SCAPER: variants seen among roughly 807,000 people sequenced by gnomAD.
SCAPER encodes S-phase cyclin A associated protein in the ER, also known as S phase cyclin A-associated protein in the endoplasmic reticulum.
SCAPER carries 98 observed loss-of-function variants against 182.2 expected under a neutral mutation model. The observed-to-expected ratio is 0.54, with a 90% CI of 0.46 to 0.64. SCAPER has a LOEUF of 0.64. SCAPER is among the 30% of genes least tolerant of loss of function. SCAPER has a pLI of 0.00. For missense variants in SCAPER, 1,432 were observed against 1,690.0 expected, an observed-to-expected ratio of 0.85 and a Z score of 2.68; for synonymous variants, 605 against 564.6, an observed-to-expected ratio of 1.07 and a Z score of -1.01.
chr15:76,686,728 A>C (rs1257144942), intron 20 of SCAPER, among the ~76,000 whole-genome samples: 1 of 152,130 alleles, frequency 6.6e-6, no homozygotes, highest in Non-Finnish European at 1.5e-5. Flanking sequence ...AACAAACTAA[A>C]GCTCTTCATA....
intron 20 of SCAPER, among the ~76,000 whole-genome samples, chr15:76,676,305 AT>A (rs2146933662): frequency 6.6e-6 from 1 of 152,214 alleles, no homozygotes; most frequent in East Asian, 1.9e-4. Context: ...AAACACAGAA[AT>A]TTTACCTCCT....
chr15:76,545,844 C>T (rs1295297934), intron 23 of SCAPER, among the ~76,000 whole-genome samples: 1 of 151,998 alleles, frequency 6.6e-6, no homozygotes, highest in East Asian at 1.9e-4. Context: ...TAGAAATTTG[C>T]CTGGAATTCT....
At chr15:76,755,151 A>C (rs1310634118) in intron 14 of SCAPER, among the ~76,000 whole-genome samples, 1 of 152,208 alleles carries the variant, frequency 6.6e-6, no homozygotes, top group Non-Finnish European at 1.5e-5. Flanking sequence ...GCTGGCATTA[A>C]AAAACACAGT....
At chr15:76,395,712 T>C (rs1029488500) in intron 27 of SCAPER, among the ~76,000 whole-genome samples, 11 of 152,164 alleles carry the variant, frequency 7.2e-5, no homozygotes, top group African/African-American at 2.7e-4. Context: ...GTTTTTCCTA[T>C]AGAGTTGTTT....
intron 4 of SCAPER, among the ~76,000 whole-genome samples, chr15:76,847,377 C>CAA (rs35155484): frequency 0.013 from 2,014 of 149,816 alleles, 25 homozygotes; most frequent in African/African-American, 0.029. Flanking sequence ...ATAAAAAATA[C>CAA]AAAAAAAAAT....
intron 5 of SCAPER, among the ~76,000 whole-genome samples, chr15:76,807,123 C>T (rs534529063): frequency 6.6e-6 from 1 of 152,328 alleles, no homozygotes; most frequent in African/African-American, 2.4e-5. Flanking sequence ...AAAGACATCA[C>T]TCTCTTGTTC....
chr15:76,781,010 T>C (rs536288105), intron 8 of SCAPER, among the ~76,000 whole-genome samples: 2 of 152,060 alleles, frequency 1.3e-5, no homozygotes, highest in African/African-American at 2.4e-5. Flanking sequence ...CCGCCAGCAA[T>C]GGAACAAAGC....
intron 21 of SCAPER, among the ~76,000 whole-genome samples, chr15:76,657,112 A>AT (rs764697624): frequency 4.9e-4 from 74 of 152,166 alleles, no homozygotes; most frequent in Non-Finnish European, 8.5e-4. Context: ...CCAAGAGTTG[A>AT]TTTTTTTGAC....
At chr15:76,802,834 A>G (rs3110379) in intron 6 of SCAPER, among the ~76,000 whole-genome samples, 23,380 of 152,224 alleles carry the variant, frequency 0.15, 2,016 homozygotes, top group African/African-American at 0.24. Flanking sequence ...TTGTAGCTCC[A>G]TATGACTTGG....
chr15:76,728,059 C>T (rs1415094398), intron 17 of SCAPER, among the ~76,000 whole-genome samples: 1 of 151,992 alleles, frequency 6.6e-6, no homozygotes, highest in Non-Finnish European at 1.5e-5. Context: ...CAAAATATCA[C>T]GTCAGTAAGG....
intron 24 of SCAPER, among the ~76,000 whole-genome samples, chr15:76,504,260 C>T (rs2041392165): frequency 6.6e-6 from 1 of 152,104 alleles, no homozygotes; most frequent in Admixed American, 6.5e-5. Flanking sequence ...CCAGAAACTG[C>T]AGACGTTACA....
chr15:76,819,726 TG>T (rs1278218408), intron 5 of SCAPER, among the ~76,000 whole-genome samples: 1 of 152,148 alleles, frequency 6.6e-6, no homozygotes, highest in African/African-American at 2.4e-5. Flanking sequence ...AGAACAAAGC[TG>T]GACGGAGAAT....
At chr15:76,606,275 T>C (rs927676824) in intron 22 of SCAPER, among the ~76,000 whole-genome samples, 1 of 152,246 alleles carries the variant, frequency 6.6e-6, no homozygotes, top group Admixed American at 6.5e-5. Flanking sequence ...CATTTCATTA[T>C]TTACCCAGTA....
intron 22 of SCAPER, among the ~76,000 whole-genome samples, chr15:76,614,581 T>C (rs760966743): frequency 9.9e-5 from 15 of 151,742 alleles, no homozygotes; most frequent in Non-Finnish European, 2.2e-4. Context: ...AATCAATGAA[T>C]CACAAAAGTA....
chr15:76,874,737 G>T (rs566947325), intron 2 of SCAPER, among the ~76,000 whole-genome samples: 1 of 152,212 alleles, frequency 6.6e-6, no homozygotes, highest in African/African-American at 2.4e-5. Flanking sequence ...CAGGAGGACT[G>T]CTTGAGACCA....
At chr15:76,439,321 C>A (rs1006079203) in intron 25 of SCAPER, among the ~76,000 whole-genome samples, 1 of 152,086 alleles carries the variant, frequency 6.6e-6, no homozygotes, top group African/African-American at 2.4e-5. Context: ...TCAAGCAATC[C>A]GACCACCTTA....
intron 22 of SCAPER, among the ~76,000 whole-genome samples, chr15:76,612,747 A>T (rs1357214704): frequency 6.6e-6 from 1 of 152,212 alleles, no homozygotes; most frequent in Non-Finnish European, 1.5e-5. Context: ...GAGAACTGCA[A>T]ACCACTGCTC....
intron 17 of SCAPER, among the ~76,000 whole-genome samples, chr15:76,709,333 A>C (rs1416505020): frequency 6.6e-6 from 1 of 152,146 alleles, no homozygotes; most frequent in East Asian, 1.9e-4. Context: ...ATGGGGTTTC[A>C]CCATGTTGGC....
At chr15:76,435,464 T>C (rs2047139976) in intron 25 of SCAPER, among the ~76,000 whole-genome samples, 1 of 152,238 alleles carries the variant, frequency 6.6e-6, no homozygotes. Context: ...CAGTGATTCC[T>C]GATTCTTTTT....
Sources: allele counts gnomAD v4.1 joint callset (sites outside exome capture counted in the v4.1 genomes callset), GRCh38; gene constraint gnomAD v4.1.1; transcripts MANE v1.5; gene names NCBI Gene and HGNC (gene_info 2026-07-23, HGNC 2026-07-21).